NRXN3: variants seen among roughly 807,000 people sequenced by gnomAD.
NRXN3 encodes neurexin III.
In NRXN3, 32 loss-of-function variants were observed where a neutral mutation model predicts 137.6. The ratio of observed to expected loss-of-function variants is 0.23; its 90% CI spans 0.18 to 0.31. NRXN3 has a LOEUF of 0.31. Among genes scored for constraint, NRXN3 ranks in the 10% least tolerant of loss-of-function variants. The pLI is 1.00. For synonymous variants in NRXN3, 798 were observed against 784.5 expected (o/e 1.02, Z -0.29); for missense variants, 1,574 against 2,062.5 (o/e 0.76, Z 4.59).
chr14:79,526,487 C>T (rs2097121729), intron 16 of NRXN3, among the ~76,000 whole-genome samples: 1 of 152,190 alleles, frequency 6.6e-6, no homozygotes, highest in African/African-American at 2.4e-5. Flanking sequence ...TAATCCTATA[C>T]AATGTTAGCA....
chr14:78,846,573 AT>A (rs2152466674), intron 10 of NRXN3, among the ~76,000 whole-genome samples: 1 of 152,170 alleles, frequency 6.6e-6, no homozygotes, highest in East Asian at 1.9e-4. Flanking sequence ...TAAAGTTGCA[AT>A]CCTTCCATGA....
intron 10 of NRXN3, among the ~76,000 whole-genome samples, chr14:78,948,499 G>A (rs551439440): frequency 6.6e-6 from 1 of 152,328 alleles, no homozygotes; most frequent in South Asian, 2.1e-4. Context: ...GTCACCTGCT[G>A]CAGTGGCTGA....
chr14:78,966,443 T>C (rs754077883), intron 12 of NRXN3, 37 bp downstream of exon 12: 1 of 1,578,446 alleles, frequency 6.3e-7, no homozygotes. Context: ...TTGGACACCT[T>C]TAATCTACTG....
At chr14:79,028,687 G>C (rs958460787) in intron 15 of NRXN3, among the ~76,000 whole-genome samples, 5 of 152,150 alleles carry the variant, frequency 3.3e-5, no homozygotes, top group African/African-American at 1.2e-4. Context: ...GGTTTCTACA[G>C]TGGAGGAGAG....
intron 19 of NRXN3, among the ~76,000 whole-genome samples, chr14:79,754,853 A>AGATC (rs1190962382): frequency 1.3e-5 from 2 of 151,874 alleles, no homozygotes; most frequent in African/African-American, 4.8e-5. Context: ...AGTTCTCACA[A>AGATC]GATCTGATGG....
chr14:78,834,940 C>T (rs557298515), intron 10 of NRXN3, among the ~76,000 whole-genome samples: 9 of 152,114 alleles, frequency 5.9e-5, no homozygotes, highest in Non-Finnish European at 1.0e-4. Context: ...TTCCCCTCCC[C>T]TTCCTCCTCC....
At chr14:79,002,284 A>G (rs2099543036) in intron 15 of NRXN3, among the ~76,000 whole-genome samples, 1 of 152,192 alleles carries the variant, frequency 6.6e-6, no homozygotes, top group Admixed American at 6.5e-5. Flanking sequence ...AACATATACT[A>G]CGGTGGTTTG....
chr14:79,190,019 T>C (rs1449005408), intron 15 of NRXN3, among the ~76,000 whole-genome samples: 1 of 152,186 alleles, frequency 6.6e-6, no homozygotes, highest in Non-Finnish European at 1.5e-5. Flanking sequence ...ATTTTGGAAT[T>C]GGGTGATATT....
At chr14:79,347,435 T>G (rs1365824058) in intron 15 of NRXN3, among the ~76,000 whole-genome samples, 1 of 151,970 alleles carries the variant, frequency 6.6e-6, no homozygotes, top group East Asian at 1.9e-4. Flanking sequence ...CCTTTTTTTT[T>G]TTTTGAAACA....
intron 19 of NRXN3, among the ~76,000 whole-genome samples, chr14:79,729,596 T>C (rs2154070691): frequency 6.6e-6 from 1 of 152,314 alleles, no homozygotes; most frequent in Non-Finnish European, 1.5e-5. Context: ...CCTTTTTGCT[T>C]CTCTGAATTT....
chr14:79,719,574 T>TTTTAC (rs1165967144), intron 19 of NRXN3, among the ~76,000 whole-genome samples: 3 of 152,034 alleles, frequency 2.0e-5, no homozygotes, highest in Non-Finnish European at 4.4e-5. Context: ...CTCTCACTGA[T>TTTTAC]TTTACTTTCT....
intron 10 of NRXN3, among the ~76,000 whole-genome samples, chr14:78,920,163 C>G (rs1432976065): frequency 1.3e-5 from 2 of 152,088 alleles, no homozygotes; most frequent in African/African-American, 4.8e-5. Context: ...TCATGTCGTC[C>G]CCACTCAGAG....
At chr14:79,706,945 C>G (rs563930655) in intron 19 of NRXN3, among the ~76,000 whole-genome samples, 3 of 152,140 alleles carry the variant, frequency 2.0e-5, no homozygotes, top group African/African-American at 7.2e-5. Context: ...TTTATGCACT[C>G]TTAACCTGTC....
chr14:79,474,200 C>T (rs1038203598), intron 16 of NRXN3, among the ~76,000 whole-genome samples: 1 of 152,100 alleles, frequency 6.6e-6, no homozygotes, highest in Non-Finnish European at 1.5e-5. Flanking sequence ...GCTTCAGCTT[C>T]CTCTTCTTAT....
Position 79,249,685 on chromosome 14 carries a change from T to C in NRXN3, c.3263-217536T>C, listed in dbSNP as rs533289413. Among the ~76,000 whole-genome samples, 3 of 152,302 alleles carry C rather than the reference T, an allele frequency of 2.0e-5. No homozygotes were observed. In the East Asian group the frequency reaches 5.8e-4, roughly 29 times the overall value. On this transcript the variant is annotated intron_variant, in intron 15 of 20. Coordinates refer to ENST00000335750, the MANE Select transcript of NRXN3 (RefSeq NM_001330195.2). ...GAATAAATGCCCAATGTTTCTCTTATTGAGCTCTCCACTGCCAAAATATAC... is the reference window on the plus strand; with the variant it reads ...GAATAAATGCCCAATGTTTCTCTTACTGAGCTCTCCACTGCCAAAATATAC...
At chr14:79,518,605 T>C (rs1286070421) in intron 16 of NRXN3, among the ~76,000 whole-genome samples, 1 of 152,164 alleles carries the variant, frequency 6.6e-6, no homozygotes, top group Non-Finnish European at 1.5e-5. Flanking sequence ...TAGTAATCAT[T>C]TTCAGTTGTT....
intron 15 of NRXN3, among the ~76,000 whole-genome samples, chr14:79,145,164 T>G (rs2153010088): frequency 6.6e-6 from 1 of 152,274 alleles, no homozygotes; most frequent in African/African-American, 2.4e-5. Context: ...GTACAGTCAT[T>G]GAGATACATA....
intron 15 of NRXN3, among the ~76,000 whole-genome samples, chr14:79,230,459 C>G (rs1222997061): frequency 6.6e-6 from 1 of 152,148 alleles, no homozygotes; most frequent in Non-Finnish European, 1.5e-5. Flanking sequence ...ATTATGTTTA[C>G]TACAGGAGTA....
chr14:78,251,529 G>A (rs1263306835), intron 2 of NRXN3, among the ~76,000 whole-genome samples: 2 of 152,214 alleles, frequency 1.3e-5, no homozygotes, highest in East Asian at 3.9e-4. Flanking sequence ...GTCCGTGACA[G>A]CAATGTTGCT....
Sources: gnomAD v4.1 joint callset for allele counts (sites outside exome capture counted in the v4.1 genomes callset) on GRCh38, gnomAD v4.1.1 for gene constraint, MANE v1.5 for transcripts, NCBI Gene and HGNC (gene_info 2026-07-23, HGNC 2026-07-21) for gene names.